Variants in EPSTI1 observed in about 807,000 individuals in gnomAD.
EPSTI1 encodes the protein epithelial-stromal interaction protein 1.
EPSTI1 carries 66 observed loss-of-function variants against 49.9 expected under a neutral mutation model. The observed-to-expected ratio is 1.32, with a 90% confidence interval of 1.08 to 1.62. EPSTI1 has a LOEUF of 1.62. EPSTI1 is among the 40% of genes most tolerant of loss of function. EPSTI1 has a pLI of 0.00. For missense variants in EPSTI1, 394 were observed against 365.5 expected (o/e 1.08, Z -0.64); for synonymous variants, 137 against 130.7 (o/e 1.05, Z -0.33).
At chr13:42,990,204 T>C (rs1363267643) in intron 1 of EPSTI1, among the ~76,000 whole-genome samples, 1 of 150,212 alleles carries the variant, frequency 6.7e-6, no homozygotes, top group African/African-American at 2.4e-5. Context: ...GAAGACTCTG[T>C]GAGAGATAAC....
intron 9 of EPSTI1, among the ~76,000 whole-genome samples, chr13:42,899,753 C>G (rs147944683): frequency 1.3e-5 from 2 of 152,160 alleles, no homozygotes; most frequent in East Asian, 1.9e-4. Context: ...ACTGTCCCAA[C>G]AGTAACATGA....
At chr13:42,908,500 A>C (rs1190727550) in intron 8 of EPSTI1, among the ~76,000 whole-genome samples, 1 of 151,714 alleles carries the variant, frequency 6.6e-6, no homozygotes. Context: ...AAAAAAAAAA[A>C]AAAGGAAAAG....
At chr13:42,962,014 C>G (rs932268186) in intron 5 of EPSTI1, among the ~76,000 whole-genome samples, 1 of 152,156 alleles carries the variant, frequency 6.6e-6, no homozygotes, top group Non-Finnish European at 1.5e-5. Flanking sequence ...TTCTAGATGG[C>G]TAATGTTCAT....
chr13:42,891,359 C>T (rs376957363), intron 10 of EPSTI1, among the ~76,000 whole-genome samples: 1 of 152,128 alleles, frequency 6.6e-6, no homozygotes, highest in East Asian at 1.9e-4. Context: ...GCCTGGTCTT[C>T]GTTTAATGGG....
chr13:42,931,209 T>G (rs113554370), intron 6 of EPSTI1, among the ~76,000 whole-genome samples: 1 of 147,224 alleles, frequency 6.8e-6, no homozygotes, highest in East Asian at 2.0e-4. Flanking sequence ...TTTTTTTTTT[T>G]TTTTTTTGAG....
chr13:42,983,162 A>G (rs2040015710), intron 1 of EPSTI1, among the ~76,000 whole-genome samples: 2 of 152,216 alleles, frequency 1.3e-5, no homozygotes, highest in South Asian at 4.1e-4. Flanking sequence ...ACCTAGGGAT[A>G]GGTAAGGAAA....
intron 8 of EPSTI1, among the ~76,000 whole-genome samples, chr13:42,905,289 A>G (rs1455770157): frequency 6.6e-6 from 1 of 152,112 alleles, no homozygotes; most frequent in Non-Finnish European, 1.5e-5. Flanking sequence ...ATGCAAGAAC[A>G]TTGCTCCAGA....
chr13:42,969,018 G>C, intron 3 of EPSTI1, 76 bp downstream of exon 3: 1 of 1,386,632 alleles, frequency 7.2e-7, no homozygotes, highest in Admixed American at 1.7e-5. Flanking sequence ...TTCACAGACA[G>C]ACATATGCAA....
intron 7 of EPSTI1, among the ~76,000 whole-genome samples, chr13:42,923,627 T>G (rs1372390640): frequency 2.0e-5 from 3 of 152,214 alleles, no homozygotes; most frequent in Middle Eastern, 3.2e-3. Context: ...CATATTTGAC[T>G]AGAAATATGC....
chr13:42,904,637 T>G (rs2037447615), intron 8 of EPSTI1, among the ~76,000 whole-genome samples: 1 of 152,132 alleles, frequency 6.6e-6, no homozygotes, highest in East Asian at 1.9e-4. Context: ...AACAAAACAC[T>G]TGTACCATAA....
intron 7 of EPSTI1, among the ~76,000 whole-genome samples, chr13:42,921,482 A>G (rs780618411): frequency 3.9e-5 from 6 of 152,248 alleles, no homozygotes; most frequent in Non-Finnish European, 8.8e-5. Context: ...TTGGGAAGCC[A>G]CTAAGTAATA....
rs899780546 is a variant in EPSTI1, at chr13:42,922,366, A to C, written c.657+3970T>G. 1.3e-5 allele frequency among the ~76,000 whole-genome samples: 2 copies of C among 152,184 alleles called. No homozygotes were observed. The highest frequency in any genetic ancestry group is 4.8e-5 in the African/African-American group (2 of 41,436). The stretch of plus-strand genomic sequence containing the variant: ...TAGCCTGGATAGTCCAGGTGGGCCC[A>C]TTGTAATCAAAAGGGTCATTATAAG... On this transcript the variant is annotated intron_variant, in intron 7 of 10. Transcript: ENST00000313624. The surrounding 1 kb of genome is among the most constrained non-coding windows in gnomAD (Gnocchi z 4.8).
chr13:42,934,054 T>C (rs920571175), intron 6 of EPSTI1: 4 of 202,726 alleles, frequency 2.0e-5, no homozygotes, highest in African/African-American at 9.3e-5. Context: ...CATGAAACCA[T>C]ACCTTCATTA....
chr13:42,978,947 C>T (rs1042184536), intron 1 of EPSTI1, among the ~76,000 whole-genome samples: 1 of 152,064 alleles, frequency 6.6e-6, no homozygotes, highest in Non-Finnish European at 1.5e-5. Flanking sequence ...CTGGCTCTTC[C>T]TTTTAACAAC....
intron 6 of EPSTI1, among the ~76,000 whole-genome samples, chr13:42,926,746 C>T (rs2038192261): frequency 6.6e-6 from 1 of 152,212 alleles, no homozygotes; most frequent in Admixed American, 6.5e-5. Flanking sequence ...AGCATGCAGC[C>T]CTAATTTCCT....
intron 1 of EPSTI1, among the ~76,000 whole-genome samples, chr13:42,979,366 CAGG>C (rs2039941561): frequency 6.6e-6 from 1 of 152,030 alleles, no homozygotes; most frequent in Non-Finnish European, 1.5e-5. Flanking sequence ...ATCACGAGGT[CAGG>C]AGATGGAGAC....
At chr13:42,977,760 T>C (rs938556376) in intron 1 of EPSTI1, among the ~76,000 whole-genome samples, 78 of 152,252 alleles carry the variant, frequency 5.1e-4, no homozygotes, top group African/African-American at 1.8e-3. Flanking sequence ...TATTCAGTTT[T>C]TCTATTTTTT....
intron 10 of EPSTI1, among the ~76,000 whole-genome samples, chr13:42,892,991 G>A (rs2153408479): frequency 6.6e-6 from 1 of 152,302 alleles, no homozygotes; most frequent in Admixed American, 6.5e-5. Flanking sequence ...ATGGCGATCA[G>A]TCAAAAGAGG....
intron 5 of EPSTI1, among the ~76,000 whole-genome samples, chr13:42,958,977 C>G (rs2039361273): frequency 6.6e-6 from 1 of 152,170 alleles, no homozygotes. Flanking sequence ...TAATAATACT[C>G]TCTACGCCCC....
Sources: gnomAD v4.1 joint callset for allele counts (sites outside exome capture counted in the v4.1 genomes callset) on GRCh38, gnomAD v4.1.1 for gene constraint, Gnocchi (gnomAD v3.1) non-coding constraint, MANE v1.5 for transcripts, NCBI Gene and HGNC (gene_info 2026-07-23, HGNC 2026-07-21) for gene names.